Variants in COL25A1 observed in about 807,000 individuals in gnomAD.
COL25A1 encodes the protein collagen alpha-1(XXV) chain.
COL25A1 carries 103 observed loss-of-function variants against 128.4 expected under a neutral mutation model. That is an observed-to-expected ratio of 0.80 (90% CI 0.68 to 0.94). The LOEUF (loss-of-function observed/expected upper bound fraction) is 0.94. Among genes scored for constraint, COL25A1 ranks in the 40% least tolerant of loss-of-function variants. COL25A1 has a pLI of 0.00. For missense variants in COL25A1, 745 were observed against 840.0 expected (o/e 0.89, Z 1.40); for synonymous variants, 279 against 277.2 (o/e 1.01, Z -0.06).
intron 3 of COL25A1, among the ~76,000 whole-genome samples, chr4:109,194,392 T>C (rs1291139909): frequency 6.6e-6 from 1 of 152,206 alleles, no homozygotes; most frequent in Non-Finnish European, 1.5e-5. Flanking sequence ...TAGCCTGTTA[T>C]CTCAATTGAT....
At chr4:108,945,247 C>T (rs1748586095) in intron 8 of COL25A1, among the ~76,000 whole-genome samples, 1 of 152,046 alleles carries the variant, frequency 6.6e-6, no homozygotes, top group Admixed American at 6.6e-5. Flanking sequence ...AAATTTTCAC[C>T]ATTTGATGGT....
At chr4:108,986,240 A>G (rs1753661137) in intron 6 of COL25A1, among the ~76,000 whole-genome samples, 1 of 152,174 alleles carries the variant, frequency 6.6e-6, no homozygotes, top group South Asian at 2.1e-4. Context: ...ATTGCTGAGC[A>G]TATCATTCCT....
At chr4:109,133,706 T>C (rs1769434567) in intron 3 of COL25A1, among the ~76,000 whole-genome samples, 1 of 152,162 alleles carries the variant, frequency 6.6e-6, no homozygotes, top group South Asian at 2.1e-4. Context: ...TGGCACAAAG[T>C]AGGCACTCAA....
intron 3 of COL25A1, among the ~76,000 whole-genome samples, chr4:109,182,204 G>A (rs1774718385): frequency 6.6e-6 from 1 of 152,056 alleles, no homozygotes. Context: ...CTTTCCTTTG[G>A]TGTACACTCA....
intron 3 of COL25A1, among the ~76,000 whole-genome samples, chr4:109,257,599 A>T (rs977721234): frequency 6.6e-6 from 1 of 152,188 alleles, no homozygotes; most frequent in Non-Finnish European, 1.5e-5. Context: ...GCTCATAGCA[A>T]CTCTATTAGT....
At chr4:109,106,355 G>A (rs905435695) in intron 3 of COL25A1, among the ~76,000 whole-genome samples, 2 of 152,082 alleles carry the variant, frequency 1.3e-5, no homozygotes, top group Non-Finnish European at 2.9e-5. Flanking sequence ...AAATCAGTAC[G>A]TTGGCATTTG....
intron 8 of COL25A1, among the ~76,000 whole-genome samples, chr4:108,961,100 T>C (rs1452224909): frequency 1.3e-5 from 2 of 152,210 alleles, no homozygotes; most frequent in Non-Finnish European, 2.9e-5. Flanking sequence ...AAAAGCTTCA[T>C]AGATTGCTTT....
chr4:109,014,596 T>C (rs977061297), intron 5 of COL25A1, among the ~76,000 whole-genome samples: 1 of 152,226 alleles, frequency 6.6e-6, no homozygotes, highest in African/African-American at 2.4e-5. Flanking sequence ...AAAATATACA[T>C]TGCATTATGG....
At chr4:108,990,242 ATATATATAT>A (rs1754079079) in intron 6 of COL25A1, among the ~76,000 whole-genome samples, 12 of 19,916 alleles carry the variant, frequency 6.0e-4, no homozygotes, top group East Asian at 5.8e-3. Flanking sequence ...AAAAAAAAAT[ATATATATAT>A]ATATATATAT....
intron 5 of COL25A1, among the ~76,000 whole-genome samples, chr4:109,027,573 G>A (rs1338988757): frequency 1.3e-5 from 2 of 152,072 alleles, no homozygotes; most frequent in Admixed American, 6.6e-5. Context: ...GTCCACTATC[G>A]GGAAAAGGCA....
Position 108,896,651 on chromosome 4 carries a change from T to C in COL25A1, c.906+16A>G, listed in dbSNP as rs769711997. The C allele has an allele frequency of 8.1e-6, 13 of 1,612,636 alleles. No individual in the cohort carries two copies. In the South Asian group the frequency reaches 1.4e-4, roughly 18 times the overall value. ...TTGCTCACATATGTACCCTTTCATG[T>C]CTTACAAAACTGTACCTTTTCGCCT... On this transcript the variant is annotated intron_variant, in intron 16 of 37. Transcript: ENST00000399132.
intron 6 of COL25A1, among the ~76,000 whole-genome samples, chr4:108,995,125 G>A (rs866021053): frequency 7.2e-5 from 11 of 152,162 alleles, no homozygotes; most frequent in African/African-American, 2.4e-4. Flanking sequence ...AGTTTGACGA[G>A]TTAACAGAAG....
chr4:109,012,650 C>T (rs1263303155), intron 5 of COL25A1, among the ~76,000 whole-genome samples: 1 of 152,152 alleles, frequency 6.6e-6, no homozygotes, highest in Non-Finnish European at 1.5e-5. Flanking sequence ...GCGCCAGGTC[C>T]CCCGGCACTG....
rs200598092 is a variant in COL25A1 at position 108,938,149 on chromosome 4, T to G, written c.673-306A>C. 5.3e-5 allele frequency among the ~76,000 whole-genome samples: 8 copies of G among 152,298 alleles called. 1 individual carries two copies. The East Asian group carries it at 1.4e-3, about 26-fold the overall frequency. ...AGGACAGAGAGACAATTGCTCTTAG[T>G]GCAGGTGTTTAATAAAATGAGCAGA... is the stretch of plus-strand genomic sequence containing the variant. On this transcript the variant is annotated intron_variant, in intron 10 of 37. Transcript: ENST00000399132.
intron 8 of COL25A1, among the ~76,000 whole-genome samples, chr4:108,944,036 T>G (rs1170994834): frequency 6.6e-6 from 1 of 152,184 alleles, no homozygotes; most frequent in Non-Finnish European, 1.5e-5. Flanking sequence ...AGATATGTTT[T>G]TCATTTTAAG....
intron 3 of COL25A1, among the ~76,000 whole-genome samples, chr4:109,178,835 CAAA>C (rs34132262): frequency 4.6e-4 from 22 of 47,556 alleles, no homozygotes; most frequent in Non-Finnish European, 7.4e-4. Context: ...ACTCCATCTC[CAAA>C]AAAAAAAAAA....
chr4:108,998,174 G>A (rs1299361411), intron 6 of COL25A1, among the ~76,000 whole-genome samples: 1 of 152,156 alleles, frequency 6.6e-6, no homozygotes, highest in Non-Finnish European at 1.5e-5. Flanking sequence ...AGGAAAAGAG[G>A]AAGTCAAATT....
At chr4:108,923,993 T>C (rs1181039675) in intron 11 of COL25A1, among the ~76,000 whole-genome samples, 1 of 152,214 alleles carries the variant, frequency 6.6e-6, no homozygotes, top group East Asian at 1.9e-4. Flanking sequence ...TCTTTGCATA[T>C]ATCTCAAGAT....
At chr4:109,127,270 G>A (rs187743066) in intron 3 of COL25A1, among the ~76,000 whole-genome samples, 53 of 152,250 alleles carry the variant, frequency 3.5e-4, no homozygotes, top group African/African-American at 1.3e-3. Flanking sequence ...AGGCGTAATA[G>A]AACTTCAGCA....
Sources: allele counts gnomAD v4.1 joint callset (sites outside exome capture counted in the v4.1 genomes callset), GRCh38; gene constraint gnomAD v4.1.1; transcripts MANE v1.5; gene names NCBI Gene and HGNC (gene_info 2026-07-23, HGNC 2026-07-21).